Variants in SPTAN1 observed in about 807,000 individuals in gnomAD.
SPTAN1 encodes spectrin alpha, non-erythrocytic 1.
A neutral mutation model predicts 331.3 loss-of-function variants in SPTAN1; 61 were observed. The observed-to-expected ratio is 0.18, with a 90% CI of 0.15 to 0.23. SPTAN1 has a LOEUF of 0.23. Among genes scored for constraint, SPTAN1 ranks in the 10% least tolerant of loss-of-function variants. The pLI, the probability that SPTAN1 is intolerant of heterozygous loss-of-function variation, is 1.00. For synonymous variants in SPTAN1, 1,153 were observed against 1,173.9 expected, an observed-to-expected ratio of 0.98 and a Z score of 0.36; for missense variants, 2,043 against 3,147.9, an observed-to-expected ratio of 0.65 and a Z score of 8.40.
intron 19 of SPTAN1, 107 bp downstream of exon 19, chr9:128,586,072 G>A (rs1359116940): frequency 1.6e-6 from 1 of 638,816 alleles, no homozygotes; most frequent in Non-Finnish European, 2.7e-6. Context: ...GCATTACAGT[G>A]ATTGTTTTTT....
intron 1 of SPTAN1, among the ~76,000 whole-genome samples, chr9:128,565,367 G>T (rs1849901124): frequency 6.6e-6 from 1 of 152,178 alleles, no homozygotes. Context: ...TCCTTTTATA[G>T]TATAAAACAT....
Position 128,587,706 on chromosome 9 carries a change from TG to T in SPTAN1, c.2871+9del. 2 of 1,613,620 alleles carry T rather than the reference TG, an allele frequency of 1.2e-6. No homozygotes were observed. The highest frequency in any genetic ancestry group is 8.5e-7 in the Non-Finnish European group (1 of 1,179,560). ...CAAGCACAGTCCTGCCGGGTAAACTTGTAACAGTTTATGGGTTACTGGAGGG... is the reference window on the plus strand; with the variant it reads ...CAAGCACAGTCCTGCCGGGTAAACTTTAACAGTTTATGGGTTACTGGAGGG... On this transcript the variant is annotated intron_variant, in intron 20 of 56. Transcript: ENST00000372739.
chr9:128,564,141 CTG>C (rs1849730474), intron 1 of SPTAN1, among the ~76,000 whole-genome samples: 1 of 152,118 alleles, frequency 6.6e-6, no homozygotes. Context: ...CCAGTCATGG[CTG>C]TGCGTGGTGG....
At chr9:128,593,342 C>A in intron 23 of SPTAN1, 1 of 481,906 alleles carries the variant, frequency 2.1e-6, no homozygotes, top group Admixed American at 3.2e-5. Flanking sequence ...ACCTGAAGGC[C>A]TGTTCTATAG....
At chr9:128,599,105 G>A (rs1447964318) in intron 26 of SPTAN1, 119 bp downstream of exon 26, 4 of 983,976 alleles carry the variant, frequency 4.1e-6, no homozygotes, top group South Asian at 2.6e-5. Flanking sequence ...GATGCCTTTT[G>A]TGTGTAAAGA....
chr9:128,578,116 A>T lies in SPTAN1; in HGVS notation c.1092A>T (p.Gln364His). 2 of 1,614,162 alleles carry T rather than the reference A, an allele frequency of 1.2e-6. No homozygotes were observed. Among genetic ancestry groups the T allele is most frequent in the Non-Finnish European group, 8.5e-7 (1 of 1,180,016 alleles). ...HARLNDSYRL[Q>H]RFLADFRDLT... ...TTCCTTTGGTTTTCCCTAGGCTTCA[A>T]CGCTTCCTTGCTGACTTCCGTGACC... Residue 364 changes from glutamine (Q) to histidine (H), a missense_variant, in exon 9 of 57, where the codon CAA becomes CAT. Physicochemically the swap from Gln to His is conservative, Grantham distance 24. Transcript: ENST00000372739.
Position 128,594,496 on chromosome 9 carries a change from C to G in SPTAN1, c.3414+123C>G, listed in dbSNP as rs192392431. On this transcript the variant is annotated intron_variant, in intron 24 of 56. Coordinates refer to ENST00000372739, the MANE Select transcript of SPTAN1 (RefSeq NM_001130438.3). ...TCCAAGCTGGAGTGCAGTGGTATGA[C>G]TTCGGCTCACTGCAACCTCTGCCTC... The G allele has an allele frequency of 6.7e-4, 598 of 890,000 alleles. 2 individuals carry two copies. The African/African-American group carries it at 0.01, about 15-fold the overall frequency. The allele number at this position is 890,000 out of a possible 1,614,324, so 55.1% of individuals were successfully genotyped here.
At chr9:128,553,759 C>T (rs1848373843) in intron 1 of SPTAN1, among the ~76,000 whole-genome samples, 1 of 152,146 alleles carries the variant, frequency 6.6e-6, no homozygotes, top group Non-Finnish European at 1.5e-5. Flanking sequence ...GCCCTTTGTT[C>T]TGTCTTCATC....
intron 17 of SPTAN1, 97 bp downstream of exon 17, chr9:128,584,622 A>C: frequency 6.2e-7 from 1 of 1,614,032 alleles, no homozygotes; most frequent in Non-Finnish European, 8.5e-7. Flanking sequence ...GTCGAATTTA[A>C]ATTATTGAAC....
chr9:128,591,648 C>A (rs1853545694), intron 22 of SPTAN1, 23 bp downstream of exon 22: 1 of 1,612,982 alleles, frequency 6.2e-7, no homozygotes, highest in Non-Finnish European at 8.5e-7. Context: ...CTGGGGGCCG[C>A]AAGGGCTAGG....
Position 128,630,332 on chromosome 9 carries a change from T to C in SPTAN1, c.6719T>C (p.Val2240Ala). ...RTYLLDGSCM[V>A]EESGTLESQL... is the part of the protein sequence containing the mutation. The stretch of plus-strand genomic sequence containing the variant: ...CCTTCCACGTTTAGGTCCTGTATGG[T>C]GGAAGAGTCGGGGACCCTCGAATCC... The change falls in exon 52 of 57, where the codon GTG becomes GCG. Residue 2240 changes from valine to alanine, a missense_variant. Physicochemically the swap from Val to Ala is moderately conservative, Grantham distance 64 (BLOSUM62 0). Transcript: ENST00000372739. 1 of 1,613,288 alleles carries C rather than the reference T, an allele frequency of 6.2e-7. No individual in the cohort carries two copies. The highest frequency in any genetic ancestry group is 8.5e-7 in the Non-Finnish European group (1 of 1,179,992).
At chr9:128,585,437 C>A (rs1043742390) in intron 18 of SPTAN1, among the ~76,000 whole-genome samples, 1 of 152,118 alleles carries the variant, frequency 6.6e-6, no homozygotes, top group Non-Finnish European at 1.5e-5. Flanking sequence ...AGTGCCTGCA[C>A]GTGCCAGTCT....
At chr9:128,570,318 ATATATATATATATTTTTTT>A (rs1404462851) in intron 3 of SPTAN1, among the ~76,000 whole-genome samples, 2 of 33,746 alleles carry the variant, frequency 5.9e-5, no homozygotes, top group Non-Finnish European at 1.0e-4. Flanking sequence ...ATATATATAT[ATATATATATATATTTTTTT>A]TTTTTTTTTT....
chr9:128,564,641 C>G (rs1355467570), intron 1 of SPTAN1, among the ~76,000 whole-genome samples: 2 of 151,916 alleles, frequency 1.3e-5, no homozygotes, highest in Non-Finnish European at 2.9e-5. Context: ...GTAATCATAC[C>G]TTAGGATGTA....
intron 10 of SPTAN1, 68 bp downstream of exon 10, chr9:128,579,806 A>T (rs752934340): frequency 1.6e-6 from 2 of 1,257,530 alleles, no homozygotes; most frequent in African/African-American, 1.5e-5. Context: ...GAAAGCTATT[A>T]TTCATCCTTA....
At position 128,579,632 on chromosome 9, in the gene SPTAN1, T is replaced by C. The variant is rs761851622; in HGVS notation, c.1222-5T>C. ...AAATCATGGCTTTGTTTTTTTCTCC[T>C]GTAGGGTGAAATTGATGCCCATGAA... On this transcript the variant is annotated splice_region_variant and splice_polypyrimidine_tract_variant and intron_variant, in intron 9 of 56. Coordinates refer to ENST00000372739, the MANE Select transcript of SPTAN1 (RefSeq NM_001130438.3). 1 of 1,613,048 alleles carries C rather than the reference T, an allele frequency of 6.2e-7. No individual in the cohort carries two copies. The highest frequency in any genetic ancestry group is 1.1e-5 in the South Asian group (1 of 91,070).
chr9:128,604,934 GTAAATAAATAAA>G, intron 29 of SPTAN1, 88 bp from the exon 30 acceptor site: 1 of 1,229,632 alleles, frequency 8.1e-7, no homozygotes. Flanking sequence ...CTCCATCTCA[GTAAATAAATAAA>G]TAAATAAATA....
At chr9:128,628,988 C>T (rs527638561) in intron 51 of SPTAN1, 2 of 394,144 alleles carry the variant, frequency 5.1e-6, no homozygotes, top group Admixed American at 8.9e-5. Flanking sequence ...ACTGGGCCTG[C>T]TGCCTCCAGG....
At chr9:128,593,785 A>T (rs1323873645) in intron 23 of SPTAN1, 1 of 262,492 alleles carries the variant, frequency 3.8e-6, no homozygotes, top group Non-Finnish European at 7.5e-6. Context: ...ATTATAAAAG[A>T]CAGAAAAACC....
Sources: allele counts gnomAD v4.1 joint callset (sites outside exome capture counted in the v4.1 genomes callset), GRCh38; gene constraint gnomAD v4.1.1; transcripts MANE v1.5; gene names NCBI Gene and HGNC (gene_info 2026-07-23, HGNC 2026-07-21).